The following RALGAPA2 variants were observed in gnomAD, a reference collection of about 807,000 sequenced individuals.
The protein encoded by RALGAPA2 is Ral GTPase activating protein catalytic subunit alpha 2.
RALGAPA2 carries 139 observed loss-of-function variants against 230.4 expected under a neutral mutation model. The ratio of observed to expected loss-of-function variants is 0.60; its 90% CI spans 0.53 to 0.69. The LOEUF is 0.69. Among genes scored for constraint, RALGAPA2 ranks in the 30% least tolerant of loss-of-function variants. RALGAPA2 has a pLI of 0.00. For synonymous variants in RALGAPA2, 847 were observed against 837.8 expected (o/e 1.01, Z -0.19); for missense variants, 2,163 against 2,276.0 (o/e 0.95, Z 1.01).
chr20:20,701,643 T>C (rs990632509), intron 1 of RALGAPA2, among the ~76,000 whole-genome samples: 2 of 152,036 alleles, frequency 1.3e-5, no homozygotes, highest in South Asian at 2.1e-4. Flanking sequence ...GGCAGGAGAA[T>C]TGCTAGAACG....
chr20:20,476,043 A>C (rs2061643514), intron 36 of RALGAPA2, among the ~76,000 whole-genome samples: 2 of 152,206 alleles, frequency 1.3e-5, no homozygotes, highest in Admixed American at 1.3e-4. Flanking sequence ...ATCTATATTG[A>C]AAACTACCAA....
At position 20,712,443 on chromosome 20, in the gene RALGAPA2, G is replaced by A; in HGVS notation, c.38C>T (p.Ser13Phe). Residue 13 changes from serine (S) to phenylalanine (F), a missense_variant, in exon 1 of 40, where the codon TCC (serine) becomes TTC (phenylalanine). Transcript: ENST00000202677. The surrounding 1 kb of genome is among the most constrained non-coding windows in gnomAD (Gnocchi z 5.5). ...CTTCGGGTCCAGCACCTTCTGGGTG[G>A]ACTTCTTCACATCCCCGTGGCTCCT... is the stretch of plus-strand genomic sequence containing the variant. ...SRRSHGDVKKSTQKVLDPKKD... is the reference protein window; with the variant it reads ...SRRSHGDVKKFTQKVLDPKKD... The A allele has an allele frequency of 6.4e-7, 1 of 1,554,978 alleles. No individual in the cohort carries two copies.
intron 3 of RALGAPA2, among the ~76,000 whole-genome samples, chr20:20,665,762 A>C (rs753172714): frequency 6.6e-6 from 1 of 152,342 alleles, no homozygotes; most frequent in East Asian, 1.9e-4. Context: ...TCACAATCAA[A>C]ATCAGACACC....
At chr20:20,617,795 T>C (rs1000876683) in intron 12 of RALGAPA2, among the ~76,000 whole-genome samples, 1 of 152,176 alleles carries the variant, frequency 6.6e-6, no homozygotes, top group African/African-American at 2.4e-5. Flanking sequence ...TACTGTCTTA[T>C]CAAACCTCCA....
chr20:20,412,110 T>C lies in RALGAPA2; in HGVS notation c.5534A>G (p.Gln1845Arg). Residue 1845 changes from glutamine to arginine, a missense_variant, in exon 38 of 40, where the codon CAG becomes CGG. By Grantham distance (43) the Gln-to-Arg change is conservative. Coordinates refer to ENST00000202677, the MANE Select transcript of RALGAPA2 (RefSeq NM_020343.4). ...ERALYLEAII[Q>R]NHREVMTFED... ...GAATGTCATTACTTCGCGGTGGTTC[T>C]GAATTATTGCTTCGAGATACAGAGC... The C allele has an allele frequency of 6.2e-7, 1 of 1,613,974 alleles. No homozygotes were observed. The highest frequency in any genetic ancestry group is 1.1e-5 in the South Asian group (1 of 91,062).
intron 1 of RALGAPA2, among the ~76,000 whole-genome samples, chr20:20,706,382 T>G (rs2069604511): frequency 6.6e-6 from 1 of 152,208 alleles, no homozygotes; most frequent in African/African-American, 2.4e-5. Context: ...AAAATCACTT[T>G]GTACCAAATA....
intron 10 of RALGAPA2, among the ~76,000 whole-genome samples, chr20:20,624,704 G>C (rs563888489): frequency 6.6e-6 from 1 of 152,084 alleles, no homozygotes; most frequent in Non-Finnish European, 1.5e-5. Context: ...TAGTTCAAAA[G>C]TGATTCTAAC....
At chr20:20,687,448 TG>T (rs1331931683) in intron 1 of RALGAPA2, among the ~76,000 whole-genome samples, 5 of 152,170 alleles carry the variant, frequency 3.3e-5, no homozygotes, top group Non-Finnish European at 5.9e-5. Context: ...GATCCAGGAC[TG>T]ATCTCCTGAC....
rs2069913296 is a variant in RALGAPA2 at position 20,712,293 on chromosome 20, C to A, written c.106+82G>T. 1.5e-6 allele frequency: 2 copies of A among 1,324,580 alleles called. No homozygotes were observed. The highest frequency in any genetic ancestry group is 2.0e-6 in the Non-Finnish European group (2 of 981,870). 82.1% of individuals were successfully genotyped at this position (1,324,580 alleles called of 1,614,324 possible). A position where few individuals can be genotyped will look rare whatever the true frequency, so the allele number is the denominator to read the frequency against. On this transcript the variant is annotated intron_variant, in intron 1 of 39. Transcript: ENST00000202677. This position sits in a 1 kb window ranked among gnomAD's most constrained non-coding sequence, Gnocchi z 5.5. Reference sequence around the variant, plus strand: ...ATCCCCCTCCCCAGCCTCCCAGCCACCGACCCCTGCACAGAGGAGCGCCCT... The same window carrying A: ...ATCCCCCTCCCCAGCCTCCCAGCCAACGACCCCTGCACAGAGGAGCGCCCT...
Position 20,524,917 on chromosome 20 carries a change from C to T in RALGAPA2, c.3694-19G>A, listed in dbSNP as rs754625778. 5 of 1,588,150 alleles carry T rather than the reference C, an allele frequency of 3.1e-6. No individual in the cohort carries two copies. Among genetic ancestry groups the T allele is most frequent in the African/African-American group, 1.3e-5 (1 of 74,274 alleles). On this transcript the variant is annotated intron_variant, in intron 28 of 39. Transcript: ENST00000202677. Reference sequence around the variant, plus strand: ...CGAGGATCTGCATAAAAGATAAATCCCCAATCAAACAGACCATATTTGTAA... The same window carrying T: ...CGAGGATCTGCATAAAAGATAAATCTCCAATCAAACAGACCATATTTGTAA...
intron 30 of RALGAPA2, among the ~76,000 whole-genome samples, chr20:20,523,411 C>G (rs1246465159): frequency 1.3e-5 from 2 of 152,072 alleles, no homozygotes; most frequent in African/African-American, 4.8e-5. Context: ...TTTTTTGAGG[C>G]AAAACGATTA....
At chr20:20,660,604 C>T (rs1225624604) in intron 3 of RALGAPA2, among the ~76,000 whole-genome samples, 1 of 151,848 alleles carries the variant, frequency 6.6e-6, no homozygotes, top group African/African-American at 2.4e-5. Context: ...GCTTATAGTA[C>T]CTGGCATCTA....
chr20:20,639,110 A>T (rs959723257), intron 7 of RALGAPA2, among the ~76,000 whole-genome samples: 5 of 152,190 alleles, frequency 3.3e-5, no homozygotes, highest in Non-Finnish European at 7.3e-5. Flanking sequence ...ACAGGGCAGA[A>T]GGCAGCTAAC....
At chr20:20,627,161 C>A (rs987337399) in intron 10 of RALGAPA2, among the ~76,000 whole-genome samples, 1 of 152,068 alleles carries the variant, frequency 6.6e-6, no homozygotes, top group Non-Finnish European at 1.5e-5. Flanking sequence ...ATGGGAGCTC[C>A]AAGGAGAGGG....
intron 9 of RALGAPA2, among the ~76,000 whole-genome samples, chr20:20,630,371 T>C (rs1280504930): frequency 1.3e-5 from 2 of 152,238 alleles, no homozygotes; most frequent in Non-Finnish European, 2.9e-5. Flanking sequence ...ATTTACCCAC[T>C]GTGAGTATTT....
chr20:20,657,716 C>T (rs569732527), intron 3 of RALGAPA2, among the ~76,000 whole-genome samples: 11 of 152,246 alleles, frequency 7.2e-5, no homozygotes, highest in African/African-American at 2.6e-4. Flanking sequence ...TATTATCTCA[C>T]GCATTCTCCT....
In RALGAPA2 at chr20:20,535,719, T is replaced by C. The variant is rs765813046; in HGVS notation, c.3473+26A>G. Reference sequence around the variant, plus strand: ...AAATGTGTATCTTAAAATTCTAAAATAGTTTACCTCTTATTCAACATTTAC... The same window carrying C: ...AAATGTGTATCTTAAAATTCTAAAACAGTTTACCTCTTATTCAACATTTAC... On this transcript the variant is annotated intron_variant, in intron 26 of 39. Coordinates refer to ENST00000202677, the MANE Select transcript of RALGAPA2 (RefSeq NM_020343.4). The C allele has an allele frequency of 2.0e-5, 30 of 1,536,256 alleles. No homozygotes were observed. The Admixed American group carries it at 4.0e-4, about 20-fold the overall frequency.
intron 23 of RALGAPA2, among the ~76,000 whole-genome samples, chr20:20,565,399 T>C (rs757050669): frequency 2.0e-5 from 3 of 152,208 alleles, no homozygotes; most frequent in Non-Finnish European, 4.4e-5. Flanking sequence ...CTGGGGTTAT[T>C]AAAAGAGTCA....
chr20:20,486,150 T>TA (rs1255222899), intron 36 of RALGAPA2, among the ~76,000 whole-genome samples: 2 of 151,216 alleles, frequency 1.3e-5, no homozygotes, highest in South Asian at 2.1e-4. Flanking sequence ...AAAAAAAGAA[T>TA]AAAAAAAACA....
Sources: allele counts gnomAD v4.1 joint callset (sites outside exome capture counted in the v4.1 genomes callset), GRCh38; gene constraint gnomAD v4.1.1; non-coding constraint Gnocchi (gnomAD v3.1); transcripts MANE v1.5; gene names NCBI Gene and HGNC (gene_info 2026-07-23, HGNC 2026-07-21).